The following SLC27A5 variants were observed in gnomAD, a reference collection of about 807,000 sequenced individuals.
SLC27A5 encodes the protein long-chain fatty acid transport protein 5.
SLC27A5 carries 47 observed loss-of-function variants against 63.1 expected under a neutral mutation model. The ratio of observed to expected loss-of-function variants is 0.74; its 90% CI spans 0.59 to 0.95. The LOEUF is 0.95. Ranked by LOEUF, SLC27A5 falls within the 40% of genes least tolerant of loss-of-function variation. The pLI is 0.00. For synonymous variants in SLC27A5, 391 were observed against 403.8 expected, an observed-to-expected ratio of 0.97 and a Z score of 0.38; for missense variants, 940 against 921.0, an observed-to-expected ratio of 1.02 and a Z score of -0.27.
chr19:58,505,408 A>G (rs2053333868), intron 3 of SLC27A5, among the ~76,000 whole-genome samples: 1 of 139,472 alleles, frequency 7.2e-6, no homozygotes, highest in South Asian at 2.2e-4. Context: ...TAATTTTTGT[A>G]TTTTAGGTAG....
At chr19:58,502,191 G>C (rs111309632) in intron 3 of SLC27A5, among the ~76,000 whole-genome samples, 1 of 151,696 alleles carries the variant, frequency 6.6e-6, no homozygotes, top group Non-Finnish European at 1.5e-5. Flanking sequence ...TGAACAGTTA[G>C]AGTAGTGAGT....
intron 3 of SLC27A5, among the ~76,000 whole-genome samples, chr19:58,506,168 C>T (rs1458480441): frequency 6.6e-6 from 1 of 151,858 alleles, no homozygotes; most frequent in Non-Finnish European, 1.5e-5. Context: ...CTCAAGTGAT[C>T]CTCCTGCCTT....
intron 2 of SLC27A5, 98 bp downstream of exon 2, chr19:58,510,623 A>G: frequency 3.9e-6 from 4 of 1,032,566 alleles, no homozygotes; most frequent in Non-Finnish European, 5.5e-6. Context: ...CAGAGGGTAA[A>G]GTGGTTTCAG....
chr19:58,503,746 A>G (rs2053309911), intron 3 of SLC27A5, among the ~76,000 whole-genome samples: 1 of 152,184 alleles, frequency 6.6e-6, no homozygotes, highest in Non-Finnish European at 1.5e-5. Flanking sequence ...AAAGGGGAAC[A>G]GAGACCTACA....
In SLC27A5 at chr19:58,501,428, A is replaced by G. The variant is rs756712120; in HGVS notation, c.1058-18T>C. The stretch of plus-strand genomic sequence containing the variant: ...GGTGGCTCCTGGGAGATGACAGGAG[A>G]GGGGGTTTCAGGTCATGCTTCCAAA... On this transcript the variant is annotated intron_variant, in intron 3 of 9. Coordinates refer to ENST00000263093, the MANE Select transcript of SLC27A5 (RefSeq NM_012254.3). 1.9e-6 allele frequency: 3 copies of G among 1,609,888 alleles called. No homozygotes were observed. In the South Asian group the frequency reaches 3.3e-5, roughly 18 times the overall value.
At position 58,500,530 on chromosome 19, in the gene SLC27A5, C is replaced by G; in HGVS notation, c.1359G>C (p.Lys453Asn). The G allele has an allele frequency of 6.2e-7, 1 of 1,614,094 alleles. No individual in the cohort carries two copies. ...CACTCACTCGGAGGAGGCAGCTCAT[C>G]TTGCCCAGGGCCCCGCAGCGCCCCA... ...NYVGRCGALG[K>N]MSCLLRMLSP... The change falls in exon 5 of 10, where the codon AAG becomes AAC. Residue 453 changes from lysine to asparagine, a missense_variant. Physicochemically the swap from Lys to Asn is moderately conservative, Grantham distance 94 (BLOSUM62 0). Transcript: ENST00000263093.
At chr19:58,504,639 G>C (rs1211203845) in intron 3 of SLC27A5, among the ~76,000 whole-genome samples, 3 of 146,260 alleles carry the variant, frequency 2.1e-5, no homozygotes, top group Non-Finnish European at 4.5e-5. Context: ...CTGCACTCCA[G>C]CCTGGGCGAC....
intron 3 of SLC27A5, 22 bp from the exon 4 acceptor site, chr19:58,501,432 G>A (rs1281969568): frequency 1.2e-6 from 2 of 1,609,204 alleles, no homozygotes; most frequent in Non-Finnish European, 8.5e-7. Flanking sequence ...CAGGAGAGGG[G>A]GTTTCAGGTC....
At chr19:58,504,669 AAAAC>A (rs1036299467) in intron 3 of SLC27A5, among the ~76,000 whole-genome samples, 4 of 150,702 alleles carry the variant, frequency 2.7e-5, no homozygotes, top group East Asian at 2.0e-4. Flanking sequence ...CTCTGTCTCA[AAAAC>A]AAACAAACAA....
intron 4 of SLC27A5, chr19:58,501,014 A>G: frequency 8.7e-7 from 1 of 1,154,892 alleles, no homozygotes. Flanking sequence ...ATGGAAATTT[A>G]ATTTTAATTA....
At chr19:58,505,960 G>A (rs1233043239) in intron 3 of SLC27A5, among the ~76,000 whole-genome samples, 1 of 151,490 alleles carries the variant, frequency 6.6e-6, no homozygotes, top group Non-Finnish European at 1.5e-5. Context: ...AGACCAGCCT[G>A]GCCAACATGG....
In SLC27A5 at chr19:58,498,594, A is replaced by C; in HGVS notation, c.1994T>G (p.Leu665Arg). The change falls in exon 10 of 10, where the codon CTG becomes CGG. Residue 665 changes from leucine (L) to arginine (R), a missense_variant. Leu to Arg is a moderately radical substitution (Grantham distance 102). Coordinates refer to ENST00000263093, the MANE Select transcript of SLC27A5 (RefSeq NM_012254.3). ...CCGGAAGGACTGGGCCCGGTTGTCC[A>C]GTACAAACAGAGGGTCAACCACGAT... is the stretch of plus-strand genomic sequence containing the variant. ...VGIVVDPLFV[L>R]DNRAQSFRPL... The C allele has an allele frequency of 6.2e-7, 1 of 1,614,060 alleles. No individual in the cohort carries two copies. Among genetic ancestry groups the C allele is most frequent in the South Asian group, 1.1e-5 (1 of 91,076 alleles).
At position 58,500,364 on chromosome 19, in the gene SLC27A5, C is replaced by T. The variant is rs758856544; in HGVS notation, c.1443G>A (p.Gln481=). 1 of 1,613,480 alleles carries T rather than the reference C, an allele frequency of 6.2e-7. No individual in the cohort carries two copies. The highest frequency in any genetic ancestry group is 2.2e-5 in the East Asian group (1 of 44,880). Reference sequence around the variant, plus strand: ...CTAGCCCTACAGGGATGCAGAAGCCCTGATTGTCCCTCACAGGCTCCGCCG... The same window carrying T: ...CTAGCCCTACAGGGATGCAGAAGCCTTGATTGTCCCTCACAGGCTCCGCCG... The part of the protein sequence containing the change: ...MEAAEPVRDN[Q]GFCIPVGLGE... Residue 481 remains glutamine, a synonymous_variant, in exon 6 of 10, where the codon CAG becomes CAA. Transcript: ENST00000263093.
Position 58,499,701 on chromosome 19 carries a change from AG to A in SLC27A5, c.1469-12del. The stretch of plus-strand genomic sequence containing the variant: ...GCAGCCCCGGCTCCCCTGGGGTAGG[AG>A]CAGGAACAAGAACCCCTGGAGCCCA... On this transcript the variant is annotated splice_polypyrimidine_tract_variant and intron_variant, in intron 6 of 9. Coordinates refer to ENST00000263093, the MANE Select transcript of SLC27A5 (RefSeq NM_012254.3). The A allele has an allele frequency of 6.2e-7, 1 of 1,609,730 alleles. No individual in the cohort carries two copies. The highest frequency in any genetic ancestry group is 8.5e-7 in the Non-Finnish European group (1 of 1,179,706).
In SLC27A5 at chr19:58,498,627, T is replaced by C. The variant is rs138433306; in HGVS notation, c.1961A>G (p.Asn654Ser). 366 of 1,614,116 alleles carry C rather than the reference T, an allele frequency of 2.3e-4. 1 individual carries two copies. Among genetic ancestry groups the C allele is most frequent in the Admixed American group, 1.3e-3 (80 of 60,004 alleles). Residue 654 changes from asparagine to serine, a missense_variant, in exon 10 of 10, where the codon AAT (asparagine) becomes AGT (serine). Asn to Ser is a conservative substitution (Grantham distance 46). Transcript: ENST00000263093. ...CAGAGGGTCAACCACGATCCCCACA[T>C]TGAAGCCCTCACGCACCAACCGGGT... ...MKTRLVREGF[N>S]VGIVVDPLFV...
rs188828172 is a variant in SLC27A5, at chr19:58,500,721, C to T, written c.1183-15G>A. ...TCCTCTGGTTGCTACAGGAATGTCC[C>T]CAGAAGGGTGAGGAGGAGGTGCTCT... is the stretch of plus-strand genomic sequence containing the variant. On this transcript the variant is annotated splice_polypyrimidine_tract_variant and intron_variant, in intron 4 of 9. Coordinates refer to ENST00000263093, the MANE Select transcript of SLC27A5 (RefSeq NM_012254.3). 81 of 1,605,840 alleles carry T rather than the reference C, an allele frequency of 5.0e-5. No individual in the cohort carries two copies. The African/African-American group carries it at 1.0e-3, about 21-fold the overall frequency.
At chr19:58,500,185 T>C in intron 6 of SLC27A5, among the ~76,000 whole-genome samples, 154 bp downstream of exon 6, 1 of 151,600 alleles carries the variant, frequency 6.6e-6, no homozygotes, top group East Asian at 1.9e-4. Flanking sequence ...CCCCAGATGG[T>C]GGTAAGGCAG....
Position 58,499,709 on chromosome 19 carries a change from C to G in SLC27A5, c.1469-19G>C, listed in dbSNP as rs577652039. 5.7e-5 allele frequency: 92 copies of G among 1,608,448 alleles called. 1 individual carries two copies. In the South Asian group the frequency reaches 9.0e-4, roughly 16 times the overall value. On this transcript the variant is annotated intron_variant, in intron 6 of 9. Coordinates refer to ENST00000263093, the MANE Select transcript of SLC27A5 (RefSeq NM_012254.3). The stretch of plus-strand genomic sequence containing the variant: ...GGCTCCCCTGGGGTAGGAGCAGGAA[C>G]AAGAACCCCTGGAGCCCACCAGCCA...
chr19:58,498,765 C>T lies in SLC27A5; in HGVS notation c.1896+20G>A, dbSNP rs758185690. 2 of 1,612,442 alleles carry T rather than the reference C, an allele frequency of 1.2e-6. No homozygotes were observed. Among genetic ancestry groups the T allele is most frequent in the Middle Eastern group, 1.7e-4 (1 of 6,056 alleles). On this transcript the variant is annotated intron_variant, in intron 9 of 9. Coordinates refer to ENST00000263093, the MANE Select transcript of SLC27A5 (RefSeq NM_012254.3). Reference sequence around the variant, plus strand: ...CTGGCTATGATCTTCCACCCACCCACCAGGCCACCCTGGGCTCACCTGGAT... The same window carrying T: ...CTGGCTATGATCTTCCACCCACCCATCAGGCCACCCTGGGCTCACCTGGAT...
Sources: allele counts gnomAD v4.1 joint callset (sites outside exome capture counted in the v4.1 genomes callset), GRCh38; gene constraint gnomAD v4.1.1; transcripts MANE v1.5; gene names NCBI Gene and HGNC (gene_info 2026-07-23, HGNC 2026-07-21).